Variants in AFF3 observed in about 807,000 individuals in gnomAD.
AFF3 encodes the protein ALF transcription elongation factor 3.
AFF3 carries 32 observed loss-of-function variants against 129.7 expected under a neutral mutation model. The observed-to-expected ratio is 0.25, with a 90% CI of 0.19 to 0.33. AFF3 has a LOEUF of 0.33. Ranked by LOEUF, AFF3 falls within the 10% of genes least tolerant of loss-of-function variation. The pLI is 1.00. For missense variants in AFF3, 1,373 were observed against 1,592.0 expected (o/e 0.86, Z 2.34); for synonymous variants, 644 against 635.4 (o/e 1.01, Z -0.20).
chr2:100,063,040 CAGG>C (rs1687426393), intron 4 of AFF3, among the ~76,000 whole-genome samples: 1 of 151,960 alleles, frequency 6.6e-6, no homozygotes, highest in Non-Finnish European at 1.5e-5. Flanking sequence ...CACCTGAGTC[CAGG>C]AGTTCAGGAC....
intron 7 of AFF3, among the ~76,000 whole-genome samples, chr2:99,934,431 C>T (rs866152029): frequency 3.3e-5 from 5 of 152,268 alleles, no homozygotes; most frequent in Non-Finnish European, 5.9e-5. Context: ...AAGGGAATTC[C>T]CTAAAACAAC....
intron 7 of AFF3, among the ~76,000 whole-genome samples, chr2:99,871,403 C>T (rs1208093203): frequency 3.3e-5 from 5 of 152,174 alleles, no homozygotes; most frequent in South Asian, 2.1e-4. Flanking sequence ...ATTTAAATCA[C>T]GGAACTATGC....
intron 19 of AFF3, 45 bp downstream of exon 19, chr2:99,568,807 C>T: frequency 2.5e-6 from 4 of 1,570,264 alleles, no homozygotes; most frequent in Non-Finnish European, 3.5e-6. Context: ...AGCTGCAGTA[C>T]ACACATAATT....
chr2:99,849,026 T>C (rs903680067), intron 7 of AFF3, among the ~76,000 whole-genome samples: 2 of 152,004 alleles, frequency 1.3e-5, no homozygotes, highest in Non-Finnish European at 2.9e-5. Context: ...AAAGAGTGAA[T>C]GTAAGAAAAG....
chr2:99,736,185 C>T (rs960524955), intron 10 of AFF3, among the ~76,000 whole-genome samples: 1 of 152,134 alleles, frequency 6.6e-6, no homozygotes, highest in South Asian at 2.1e-4. Context: ...TTTCTGTTTG[C>T]ATTATACAAC....
chr2:99,805,312 T>C (rs1686253325), intron 8 of AFF3, among the ~76,000 whole-genome samples: 1 of 152,182 alleles, frequency 6.6e-6, no homozygotes, highest in Admixed American at 6.5e-5. Flanking sequence ...TTCGTTTAAG[T>C]TCAACTTAAA....
chr2:99,852,888 A>G (rs868705772), intron 7 of AFF3, among the ~76,000 whole-genome samples: 1 of 152,174 alleles, frequency 6.6e-6, no homozygotes, highest in African/African-American at 2.4e-5. Flanking sequence ...AACAACGTAA[A>G]TTTCAAATGA....
chr2:100,117,710 T>A (rs943649274), intron 2 of AFF3, among the ~76,000 whole-genome samples: 4 of 152,234 alleles, frequency 2.6e-5, no homozygotes, highest in African/African-American at 9.6e-5. Context: ...AAAACAGTAA[T>A]ATGCAAAAAC....
intron 11 of AFF3, among the ~76,000 whole-genome samples, chr2:99,720,882 A>G (rs1678829299): frequency 6.6e-6 from 1 of 152,242 alleles, no homozygotes; most frequent in Non-Finnish European, 1.5e-5. Context: ...TTAATGTCAT[A>G]TCACTTCACA....
chr2:99,639,432 T>C (rs568910334), intron 13 of AFF3, among the ~76,000 whole-genome samples: 1 of 152,308 alleles, frequency 6.6e-6, no homozygotes, highest in South Asian at 2.1e-4. Context: ...CTTTTGTGAC[T>C]ATAGATGGTA....
chr2:99,681,526 A>T (rs1462020578), intron 11 of AFF3, among the ~76,000 whole-genome samples: 1 of 152,212 alleles, frequency 6.6e-6, no homozygotes, highest in Non-Finnish European at 1.5e-5. Context: ...ATGTGATAGT[A>T]TTCAGAGATG....
chr2:99,924,968 CG>C (rs560760661), intron 7 of AFF3, among the ~76,000 whole-genome samples: 330 of 151,842 alleles, frequency 2.2e-3, no homozygotes, highest in Middle Eastern at 3.4e-3. Flanking sequence ...CTTGACCTTC[CG>C]GGCTCAAGCA....
chr2:99,703,922 T>C (rs991045021), intron 11 of AFF3, among the ~76,000 whole-genome samples: 4 of 152,252 alleles, frequency 2.6e-5, no homozygotes, highest in Admixed American at 6.5e-5. Flanking sequence ...CACTGCTTTG[T>C]ACACAGTTTC....
intron 8 of AFF3, among the ~76,000 whole-genome samples, chr2:99,800,199 T>A (rs1685837146): frequency 6.6e-6 from 1 of 152,120 alleles, no homozygotes; most frequent in South Asian, 2.1e-4. Context: ...ATGTAGAACA[T>A]ATAAAAAAGA....
intron 7 of AFF3, among the ~76,000 whole-genome samples, chr2:99,920,262 A>C (rs918642009): frequency 6.2e-4 from 94 of 152,106 alleles, no homozygotes; most frequent in Admixed American, 7.2e-4. Context: ...TAAGAAAATT[A>C]CCAACCAAAA....
intron 4 of AFF3, among the ~76,000 whole-genome samples, chr2:100,042,149 G>A (rs13423555): frequency 5.7e-4 from 86 of 152,144 alleles, no homozygotes; most frequent in African/African-American, 2.0e-3. Context: ...TCTTGAACAA[G>A]CTAAGAGAAA....
chr2:99,839,623 T>A (rs542957292), intron 7 of AFF3, among the ~76,000 whole-genome samples: 52 of 151,684 alleles, frequency 3.4e-4, no homozygotes, highest in Non-Finnish European at 1.0e-4. Flanking sequence ...CTTTCTTTTT[T>A]TTTTTTGAGA....
At position 99,826,377 on chromosome 2, in the gene AFF3, A is replaced by G. The variant is rs144518933; in HGVS notation, c.921+11100T>C. Among the ~76,000 whole-genome samples the G allele has an allele frequency of 3.5e-3, 534 of 152,364 alleles. 5 individuals carry two copies. Among genetic ancestry groups the G allele is most frequent in the African/African-American group, 0.012 (507 of 41,582 alleles). On this transcript the variant is annotated intron_variant, in intron 8 of 24. Transcript: ENST00000672756. Reference sequence around the variant, plus strand: ...TCATCGTGCTCACCCCTGGAGGTAGATAACAACAGCCCAGGAGAAAATAAG... The same window carrying G: ...TCATCGTGCTCACCCCTGGAGGTAGGTAACAACAGCCCAGGAGAAAATAAG...
At chr2:99,820,660 T>C (rs1372770039) in intron 8 of AFF3, among the ~76,000 whole-genome samples, 1 of 149,572 alleles carries the variant, frequency 6.7e-6, no homozygotes, top group African/African-American at 2.4e-5. Context: ...TTGACTCTTT[T>C]GTAATAACAC....
Sources: gnomAD v4.1 joint callset for allele counts (sites outside exome capture counted in the v4.1 genomes callset) on GRCh38, gnomAD v4.1.1 for gene constraint, MANE v1.5 for transcripts, NCBI Gene and HGNC (gene_info 2026-07-23, HGNC 2026-07-21) for gene names.